Variants in TK2 observed in about 807,000 individuals in gnomAD.
The protein encoded by TK2 is thymidine kinase 2, also known as thymidine kinase 2, mitochondrial.
In TK2, 35 loss-of-function variants were observed where a neutral mutation model predicts 41.9. The observed-to-expected ratio is 0.84, with a 90% CI of 0.64 to 1.11. The LOEUF (loss-of-function observed/expected upper bound fraction) is 1.11. Ranked by LOEUF, TK2 falls within the 50% of genes least tolerant of loss-of-function variation. TK2 has a pLI of 0.00. For missense variants in TK2, 320 were observed against 351.1 expected, an observed-to-expected ratio of 0.91 and a Z score of 0.71; for synonymous variants, 128 against 129.1, an observed-to-expected ratio of 0.99 and a Z score of 0.06.
rs1026058307 is a variant in TK2 at position 66,511,004 on chromosome 16, T to G, written c.*964A>C. On this transcript the variant is annotated 3_prime_UTR_variant, in exon 10 of 10. Coordinates refer to ENST00000544898, the MANE Select transcript of TK2 (RefSeq NM_004614.5). Reference sequence around the variant, plus strand: ...TCTCTCTTGGGCCACAGACTTTCAGTAATTCCAAGAGCAAAGCTCCTTATA... The same window carrying G: ...TCTCTCTTGGGCCACAGACTTTCAGGAATTCCAAGAGCAAAGCTCCTTATA... The G allele has an allele frequency of 1.3e-5, 2 of 152,278 alleles. No homozygotes were observed. The highest frequency in any genetic ancestry group is 3.4e-3 in the Middle Eastern group (1 of 296). The allele number at this position is 152,278 out of a possible 1,614,324, so 9.4% of individuals were successfully genotyped here. A position where few individuals can be genotyped will look rare whatever the true frequency, so the allele number is the denominator to read the frequency against.
At position 66,548,058 on chromosome 16, in the gene TK2, C is replaced by T. The variant is rs115927660; in HGVS notation, c.156+920G>A. The T allele has an allele frequency of 1.8e-3, 1,353 of 760,026 alleles. 11 individuals carry two copies. In the African/African-American group the frequency reaches 0.02, roughly 11 times the overall value. The allele number at this position is 760,026 out of a possible 1,614,324, so 47.1% of individuals were successfully genotyped here. A position where few individuals can be genotyped will look rare whatever the true frequency, so the allele number is the denominator to read the frequency against. On this transcript the variant is annotated intron_variant, in intron 2 of 9. Coordinates refer to ENST00000544898, the MANE Select transcript of TK2 (RefSeq NM_004614.5). ...GGCCAGCCTGGGCAACACAGCAAGA[C>T]GCCGTCTCTTAAATGTATAAACAAA...
intron 6 of TK2, among the ~76,000 whole-genome samples, chr16:66,520,745 T>C (rs748047658): frequency 6.6e-6 from 1 of 152,036 alleles, no homozygotes; most frequent in Non-Finnish European, 1.5e-5. Flanking sequence ...CTGTTGGGAG[T>C]TGATGACACC....
chr16:66,528,887 T>A, intron 6 of TK2, 107 bp downstream of exon 6: 4 of 1,066,764 alleles, frequency 3.7e-6, no homozygotes, highest in Non-Finnish European at 5.7e-6. Context: ...AATGGATAAC[T>A]GATACAACAG....
intron 6 of TK2, among the ~76,000 whole-genome samples, chr16:66,522,439 C>T (rs1388166584): frequency 1.3e-5 from 2 of 152,340 alleles, no homozygotes; most frequent in South Asian, 2.1e-4. Flanking sequence ...TAGAAAAGGA[C>T]GACCAGGCAA....
chr16:66,520,674 C>T (rs532876347), intron 6 of TK2, among the ~76,000 whole-genome samples: 3 of 152,252 alleles, frequency 2.0e-5, no homozygotes, highest in African/African-American at 7.2e-5. Flanking sequence ...CATGAGGACA[C>T]GAACAGGATG....
chr16:66,529,924 T>C (rs945007964), intron 5 of TK2, among the ~76,000 whole-genome samples: 1 of 152,246 alleles, frequency 6.6e-6, no homozygotes, highest in African/African-American at 2.4e-5. Flanking sequence ...TCTGCTCATC[T>C]TTCCTGGTCT....
rs1964343895 is a variant in TK2, at chr16:66,508,054, T to G, written c.*3914A>C. On this transcript the variant is annotated 3_prime_UTR_variant, in exon 10 of 10. Coordinates refer to ENST00000544898, the MANE Select transcript of TK2 (RefSeq NM_004614.5). ...CTCTCTTATGTATGCATCTTTAGAT[T>G]GTTACCAATATTTTGTAATGATTAA... The G allele has an allele frequency of 6.6e-6, 1 of 152,214 alleles. No homozygotes were observed. Among genetic ancestry groups the G allele is most frequent in the Non-Finnish European group, 1.5e-5 (1 of 68,040 alleles). The allele number at this position is 152,214 out of a possible 1,614,324, so 9.4% of individuals were successfully genotyped here.
In TK2 at chr16:66,514,199, C is replaced by T. The variant is rs957063108; in HGVS notation, c.619-388G>A. Among the ~76,000 whole-genome samples, 3 of 152,042 alleles carry T rather than the reference C, an allele frequency of 2.0e-5. No individual in the cohort carries two copies. The highest frequency in any genetic ancestry group is 4.4e-5 in the Non-Finnish European group (3 of 68,008). On this transcript the variant is annotated intron_variant, in intron 8 of 9. Coordinates refer to ENST00000544898, the MANE Select transcript of TK2 (RefSeq NM_004614.5). The surrounding 1 kb of genome is among the most constrained non-coding windows in gnomAD (Gnocchi z 4.2). ...AGGCTGGACTGTACTGCCGCCAACT[C>T]GACTCACTGCAACCTCCCTGCCTGA...
In TK2 at chr16:66,517,675, C is replaced by A; in HGVS notation, c.538+114G>T. The stretch of plus-strand genomic sequence containing the variant: ...AAGCTGAACTCCCATGGGGAAGGAA[C>A]TGCCAAGGGCAAGTGCCTCACCCAC... On this transcript the variant is annotated intron_variant, in intron 7 of 9. Coordinates refer to ENST00000544898, the MANE Select transcript of TK2 (RefSeq NM_004614.5). This position sits in a 1 kb window ranked among gnomAD's most constrained non-coding sequence, Gnocchi z 4.3. 7 of 950,878 alleles carry A rather than the reference C, an allele frequency of 7.4e-6. No individual in the cohort carries two copies. Among genetic ancestry groups the A allele is most frequent in the South Asian group, 3.9e-5 (3 of 76,854 alleles). The allele number at this position is 950,878 out of a possible 1,614,324, so 58.9% of individuals were successfully genotyped here.
At chr16:66,549,077 C>A in intron 1 of TK2, 68 bp from the exon 2 acceptor site, 1 of 1,605,794 alleles carries the variant, frequency 6.2e-7, no homozygotes, top group South Asian at 1.1e-5. Flanking sequence ...TAATTTGCTA[C>A]ATGACCACAA....
chr16:66,529,602 C>T (rs1192923857), intron 5 of TK2, among the ~76,000 whole-genome samples: 1 of 152,188 alleles, frequency 6.6e-6, no homozygotes, highest in Non-Finnish European at 1.5e-5. Context: ...CTGACAGTGC[C>T]CCTTTCTGCC....
At chr16:66,531,529 C>A (rs1042787471) in intron 4 of TK2, 60 bp from the exon 5 acceptor site, 2 of 1,534,516 alleles carry the variant, frequency 1.3e-6, no homozygotes. Context: ...GGACCCTGGT[C>A]TCACAAGGCA....
Position 66,512,023 on chromosome 16 carries a change from A to G in TK2, c.743T>C (p.Phe248Ser), listed in dbSNP as rs1567522476. Residue 248 changes from phenylalanine (F) to serine (S), a missense_variant, in exon 10 of 10, where the codon TTT becomes TCT. Coordinates refer to ENST00000544898, the MANE Select transcript of TK2 (RefSeq NM_004614.5). ...DHHMERMLEL[F>S]EQNRDRILTP... Reference sequence around the variant, plus strand: ...TAATATTCGATCCCGATTTTGTTCAAAGAGTTCTAACATCCTCTCCATGTG... The same window carrying G: ...TAATATTCGATCCCGATTTTGTTCAGAGAGTTCTAACATCCTCTCCATGTG... 6.2e-7 allele frequency: 1 copy of G among 1,614,200 alleles called. No homozygotes were observed. The highest frequency in any genetic ancestry group is 8.5e-7 in the Non-Finnish European group (1 of 1,180,048).
intron 2 of TK2, among the ~76,000 whole-genome samples, chr16:66,547,359 G>A (rs960387010): frequency 2.0e-5 from 3 of 152,106 alleles, no homozygotes; most frequent in Non-Finnish European, 4.4e-5. Flanking sequence ...GAGGCAACCC[G>A]GATCGTGCTG....
At chr16:66,549,366 T>C (rs888395849) in intron 1 of TK2, 6 of 1,135,352 alleles carry the variant, frequency 5.3e-6, no homozygotes, top group South Asian at 2.3e-5. Context: ...GCGGCGGACG[T>C]GGTTTTGGGC....
In TK2 at chr16:66,524,263, G is replaced by A. The variant is rs531074897; in HGVS notation, c.449+4731C>T. 5.3e-3 allele frequency among the ~76,000 whole-genome samples: 803 copies of A among 152,282 alleles called. 5 individuals are homozygous for A. Among genetic ancestry groups the A allele is most frequent in the Non-Finnish European group, 8.9e-3 (608 of 68,024 alleles). The stretch of plus-strand genomic sequence containing the variant: ...AAGCCCCAAGGAAGCCCACCTTACC[G>A]TCAGAACTCCAGGGGAAAAGGGTCG... On this transcript the variant is annotated intron_variant, in intron 6 of 9. Transcript: ENST00000544898.
In TK2 at chr16:66,548,953, G is replaced by A. The variant is rs200322538; in HGVS notation, c.156+25C>T. On this transcript the variant is annotated intron_variant, in intron 2 of 9. Coordinates refer to ENST00000544898, the MANE Select transcript of TK2 (RefSeq NM_004614.5). ...CTTCAAAAAACCAAATTATCCTAGA[G>A]AGTACACATAAAAGAGGGACTTACC... 1.4e-5 allele frequency: 23 copies of A among 1,604,736 alleles called. No individual in the cohort carries two copies. In the South Asian group the frequency reaches 2.4e-4, roughly 17 times the overall value.
chr16:66,546,981 G>A (rs563168426), intron 2 of TK2, among the ~76,000 whole-genome samples: 1 of 151,968 alleles, frequency 6.6e-6, no homozygotes, highest in Non-Finnish European at 1.5e-5. Context: ...TCAGACTCCT[G>A]AGCTCAAGCA....
intron 3 of TK2, among the ~76,000 whole-genome samples, chr16:66,537,528 C>A (rs1273522647): frequency 6.6e-6 from 1 of 152,220 alleles, no homozygotes; most frequent in Non-Finnish European, 1.5e-5. Flanking sequence ...CTCCCTGTCT[C>A]ACTGGTTTGG....
Sources: gnomAD v4.1 joint callset for allele counts (sites outside exome capture counted in the v4.1 genomes callset) on GRCh38, gnomAD v4.1.1 for gene constraint, Gnocchi (gnomAD v3.1) non-coding constraint, MANE v1.5 for transcripts, NCBI Gene and HGNC (gene_info 2026-07-23, HGNC 2026-07-21) for gene names.